Variants in DSCAM observed in about 807,000 individuals in gnomAD.
DSCAM encodes DS cell adhesion molecule.
DSCAM carries 47 observed loss-of-function variants against 217.7 expected under a neutral mutation model. The ratio of observed to expected loss-of-function variants is 0.22; its 90% CI spans 0.17 to 0.28. The LOEUF (loss-of-function observed/expected upper bound fraction) is 0.28. Among genes scored for constraint, DSCAM ranks in the 10% least tolerant of loss-of-function variants. The pLI is 1.00. For missense variants in DSCAM, 2,080 were observed against 2,618.3 expected, an observed-to-expected ratio of 0.79 and a Z score of 4.49; for synonymous variants, 1,056 against 1,015.3, an observed-to-expected ratio of 1.04 and a Z score of -0.76.
chr21:40,342,648 A>ATATATATAT (rs61637421), intron 6 of DSCAM, among the ~76,000 whole-genome samples: 14 of 80,316 alleles, frequency 1.7e-4, no homozygotes, highest in East Asian at 3.5e-4. Context: ...ATATATATAT[A>ATATATATAT]TTTTTTTTTT....
chr21:40,262,719 A>G (rs1316369138), intron 11 of DSCAM, among the ~76,000 whole-genome samples: 1 of 152,234 alleles, frequency 6.6e-6, no homozygotes, highest in Non-Finnish European at 1.5e-5. Context: ...CCCTACAAGT[A>G]TGTGACTGAT....
At chr21:40,237,462 G>C (rs1235235674) in intron 11 of DSCAM, among the ~76,000 whole-genome samples, 2 of 152,178 alleles carry the variant, frequency 1.3e-5, no homozygotes, top group African/African-American at 4.8e-5. Context: ...AGAACACGTG[G>C]TGTTTGGTTT....
chr21:40,213,421 A>T (rs1176184322), intron 11 of DSCAM, among the ~76,000 whole-genome samples: 2 of 152,228 alleles, frequency 1.3e-5, no homozygotes, highest in African/African-American at 4.8e-5. Context: ...ATGAATAAAC[A>T]GCTTTAGAAA....
intron 27 of DSCAM, among the ~76,000 whole-genome samples, chr21:40,074,545 A>ATC (rs2089337561): frequency 6.6e-6 from 1 of 152,184 alleles, no homozygotes. Context: ...TTGCTACATT[A>ATC]GAGTGAAACT....
At chr21:40,425,837 C>G (rs1009791293) in intron 3 of DSCAM, among the ~76,000 whole-genome samples, 1 of 151,920 alleles carries the variant, frequency 6.6e-6, no homozygotes, top group Non-Finnish European at 1.5e-5. Flanking sequence ...GCATGTGTAT[C>G]CATAAACATA....
intron 6 of DSCAM, among the ~76,000 whole-genome samples, chr21:40,344,580 T>C (rs2074537856): frequency 6.6e-6 from 1 of 152,232 alleles, no homozygotes; most frequent in Non-Finnish European, 1.5e-5. Flanking sequence ...CTTTTCAACA[T>C]TTTAAAGATG....
chr21:40,751,363 AG>A (rs1601211248), intron 1 of DSCAM, among the ~76,000 whole-genome samples: 3 of 152,310 alleles, frequency 2.0e-5, no homozygotes, highest in East Asian at 3.9e-4. Context: ...ACTAGAATAA[AG>A]CTACCTTAAG....
Position 40,178,906 on chromosome 21 carries a change from G to T in DSCAM, c.2947+21C>A, listed in dbSNP as rs2090763481. The T allele has an allele frequency of 2.5e-6, 4 of 1,612,370 alleles. No homozygotes were observed. The East Asian group carries it at 6.7e-5, about 27-fold the overall frequency. On this transcript the variant is annotated intron_variant, in intron 15 of 32. Coordinates refer to ENST00000400454, the MANE Select transcript of DSCAM (RefSeq NM_001389.5). ...AGCTCCCGGGCTCCTCTGGAGCAAGGTTCCGCCCGGTCCCACGTACCTGCC... is the reference window on the plus strand; with the variant it reads ...AGCTCCCGGGCTCCTCTGGAGCAAGTTTCCGCCCGGTCCCACGTACCTGCC...
rs374542622 is a variant in DSCAM, at chr21:40,052,070, A to G, written c.5073T>C (p.Phe1691=). The G allele has an allele frequency of 3.3e-5, 54 of 1,613,992 alleles. No homozygotes were observed. The highest frequency in any genetic ancestry group is 4.5e-5 in the Non-Finnish European group (53 of 1,180,022). ...GGGACTTCTGCTTAGCTGCCTCTCC[A>G]AAGTCAGCATCCGTCAACAGAACCG... ...RSTVLLTDAD[F]GEAAKQKSLT... Residue 1691 remains phenylalanine (F), a synonymous_variant, in exon 30 of 33, where the codon TTT becomes TTC. Transcript: ENST00000400454.
intron 28 of DSCAM, among the ~76,000 whole-genome samples, chr21:40,057,939 G>C (rs941138364): frequency 6.9e-6 from 1 of 145,108 alleles, no homozygotes; most frequent in Non-Finnish European, 1.5e-5. Context: ...GCAGTGGCGC[G>C]ATCTCAGCTC....
chr21:40,662,553 G>A (rs1009051085), intron 3 of DSCAM, among the ~76,000 whole-genome samples: 1 of 152,176 alleles, frequency 6.6e-6, no homozygotes, highest in African/African-American at 2.4e-5. Context: ...GTTACCATTA[G>A]GATTAGCTTA....
At chr21:40,589,902 G>A (rs1260296668) in intron 3 of DSCAM, among the ~76,000 whole-genome samples, 1 of 152,114 alleles carries the variant, frequency 6.6e-6, no homozygotes, top group Admixed American at 6.5e-5. Context: ...CAAATGAACT[G>A]GCTCACTTTT....
At chr21:40,636,812 G>A (rs1031936085) in intron 3 of DSCAM, among the ~76,000 whole-genome samples, 34 of 140,090 alleles carry the variant, frequency 2.4e-4, no homozygotes, top group Non-Finnish European at 7.6e-5. Context: ...TCCATAGCTT[G>A]AGGATATGCT....
At chr21:40,292,795 T>A (rs1181200873) in intron 10 of DSCAM, among the ~76,000 whole-genome samples, 1 of 151,866 alleles carries the variant, frequency 6.6e-6, no homozygotes, top group African/African-American at 2.4e-5. Flanking sequence ...CAGGCTGGAG[T>A]GCAGTGGCGT....
intron 3 of DSCAM, among the ~76,000 whole-genome samples, chr21:40,671,530 C>T (rs1032610492): frequency 2.0e-5 from 3 of 151,486 alleles, no homozygotes; most frequent in African/African-American, 7.3e-5. Flanking sequence ...ATTAAAAATA[C>T]AAAAATTAGC....
At chr21:40,481,825 A>G (rs1051277967) in intron 3 of DSCAM, among the ~76,000 whole-genome samples, 1 of 152,166 alleles carries the variant, frequency 6.6e-6, no homozygotes, top group African/African-American at 2.4e-5. Flanking sequence ...ATCCATAACA[A>G]CCCGGAGTGG....
At chr21:40,369,058 A>G in intron 4 of DSCAM, 41 bp downstream of exon 4, 1 of 1,553,636 alleles carries the variant, frequency 6.4e-7, no homozygotes, top group South Asian at 1.3e-5. Context: ...ACTAACAAAG[A>G]AATAGCAGAC....
intron 28 of DSCAM, among the ~76,000 whole-genome samples, chr21:40,057,643 G>T (rs532086990): frequency 6.6e-6 from 1 of 152,264 alleles, no homozygotes; most frequent in South Asian, 2.1e-4. Flanking sequence ...CAGGAAGCAG[G>T]CTAAATAATG....
intron 32 of DSCAM, among the ~76,000 whole-genome samples, chr21:40,037,595 G>A (rs1464075498): frequency 2.7e-5 from 4 of 149,216 alleles, no homozygotes; most frequent in South Asian, 4.2e-4. Flanking sequence ...TACTGCCCAA[G>A]GTAATTTACA....
Sources: gnomAD v4.1 joint callset for allele counts (sites outside exome capture counted in the v4.1 genomes callset) on GRCh38, gnomAD v4.1.1 for gene constraint, MANE v1.5 for transcripts, NCBI Gene and HGNC (gene_info 2026-07-23, HGNC 2026-07-21) for gene names.